DTNA: variants seen among roughly 807,000 people sequenced by gnomAD.
DTNA encodes the protein dystrobrevin alpha.
A neutral mutation model predicts 100.7 loss-of-function variants in DTNA; 43 were observed. The ratio of observed to expected loss-of-function variants is 0.43; its 90% CI spans 0.33 to 0.55. The LOEUF is 0.55. Ranked by LOEUF, DTNA falls within the 20% of genes least tolerant of loss-of-function variation. The pLI, the probability that DTNA is intolerant of heterozygous loss-of-function variation, is 0.04. For missense variants in DTNA, 798 were observed against 953.9 expected (o/e 0.84, Z 2.15); for synonymous variants, 349 against 347.9 (o/e 1.00, Z -0.04).
chr18:34,777,091 G>A (rs1277341790), intron 3 of DTNA, among the ~76,000 whole-genome samples: 1 of 152,130 alleles, frequency 6.6e-6, no homozygotes, highest in Non-Finnish European at 1.5e-5. Flanking sequence ...CCTATTGTTT[G>A]TATTTTTCCT....
chr18:34,855,132 A>T (rs1461325077), intron 15 of DTNA, among the ~76,000 whole-genome samples: 1 of 152,252 alleles, frequency 6.6e-6, no homozygotes, highest in Non-Finnish European at 1.5e-5. Flanking sequence ...AGGTAAAAAT[A>T]CACATAGACT....
intron 1 of DTNA, among the ~76,000 whole-genome samples, chr18:34,509,712 C>A (rs1045634034): frequency 2.6e-5 from 4 of 152,022 alleles, no homozygotes; most frequent in African/African-American, 7.2e-5. Context: ...AGTGCTTAAA[C>A]CTTTTTTTGT....
chr18:34,780,799 CA>C (rs758382168), intron 3 of DTNA, among the ~76,000 whole-genome samples: 2 of 152,158 alleles, frequency 1.3e-5, no homozygotes, highest in Non-Finnish European at 2.9e-5. Flanking sequence ...GAACCCAGAA[CA>C]AACTGAAACC....
Position 34,769,179 on chromosome 18 carries a change from C to A in DTNA, c.148+3138C>A, listed in dbSNP as rs553494350. Among the ~76,000 whole-genome samples, 7 of 152,234 alleles carry A rather than the reference C, an allele frequency of 4.6e-5. No homozygotes were observed. The East Asian group carries it at 9.7e-4, about 21-fold the overall frequency. On this transcript the variant is annotated intron_variant, in intron 3 of 22. Coordinates refer to ENST00000444659, the MANE Select transcript of DTNA (RefSeq NM_001386795.1). The stretch of plus-strand genomic sequence containing the variant: ...CTACCTTCATCAGAGGCATTAAATG[C>A]AAGTACTATATGTCTTTGCAAAGTT...
At chr18:34,774,632 A>C (rs1463580357) in intron 3 of DTNA, among the ~76,000 whole-genome samples, 2 of 152,188 alleles carry the variant, frequency 1.3e-5, no homozygotes, top group African/African-American at 2.4e-5. Flanking sequence ...ATTCATCCCT[A>C]TTTGCATATT....
chr18:34,890,288 T>G lies in DTNA; in HGVS notation c.*2554T>G. On this transcript the variant is annotated 3_prime_UTR_variant, in exon 23 of 23. Transcript: ENST00000444659. ...AATTTCTGACTAACCAGCCACCTTT[T>G]CTCTCTCTTAGCTCCACGTCAGCAC... 6.5e-7 allele frequency: 1 copy of G among 1,530,928 alleles called. No homozygotes were observed. Among genetic ancestry groups the G allele is most frequent in the Non-Finnish European group, 8.7e-7 (1 of 1,143,454 alleles). The allele number at this position is 1,530,928 out of a possible 1,614,324, so 94.8% of individuals were successfully genotyped here. A position where few individuals can be genotyped will look rare whatever the true frequency, so the allele number is the denominator to read the frequency against.
intron 1 of DTNA, among the ~76,000 whole-genome samples, chr18:34,626,161 A>G (rs1181256473): frequency 6.6e-6 from 1 of 152,222 alleles, no homozygotes; most frequent in Non-Finnish European, 1.5e-5. Context: ...CAGATGTACA[A>G]TGAATGTTAT....
intron 3 of DTNA, among the ~76,000 whole-genome samples, chr18:34,786,130 C>G (rs1001791301): frequency 1.3e-5 from 2 of 152,184 alleles, no homozygotes; most frequent in Admixed American, 6.5e-5. Flanking sequence ...CTGAATGAAA[C>G]TTTCCATTTG....
intron 1 of DTNA, among the ~76,000 whole-genome samples, chr18:34,533,574 C>A (rs964066750): frequency 6.6e-6 from 1 of 151,940 alleles, no homozygotes; most frequent in African/African-American, 2.4e-5. Flanking sequence ...CGTAGATAAT[C>A]AAAGATTTGA....
chr18:34,656,100 T>C (rs949115056), intron 1 of DTNA, among the ~76,000 whole-genome samples: 2 of 152,258 alleles, frequency 1.3e-5, no homozygotes, highest in African/African-American at 4.8e-5. Flanking sequence ...ATAGTAATTC[T>C]GTGGTTTGCA....
At chr18:34,634,452 G>A (rs147925759) in intron 1 of DTNA, among the ~76,000 whole-genome samples, 1 of 152,036 alleles carries the variant, frequency 6.6e-6, no homozygotes, top group Non-Finnish European at 1.5e-5. Context: ...TAGTAAGAAA[G>A]ACAGCATGTT....
chr18:34,730,364 G>A (rs1195377613), intron 1 of DTNA, among the ~76,000 whole-genome samples: 2 of 152,232 alleles, frequency 1.3e-5, no homozygotes, highest in African/African-American at 4.8e-5. Context: ...TAAACTTGAA[G>A]TGTTAAAGCA....
intron 1 of DTNA, among the ~76,000 whole-genome samples, chr18:34,673,061 A>G (rs1459004444): frequency 6.6e-6 from 1 of 152,110 alleles, no homozygotes; most frequent in Non-Finnish European, 1.5e-5. Flanking sequence ...AATAAGTATT[A>G]CCATGTAAGC....
intron 1 of DTNA, among the ~76,000 whole-genome samples, chr18:34,718,091 G>C (rs375246880): frequency 7.9e-5 from 12 of 152,228 alleles, no homozygotes; most frequent in African/African-American, 2.4e-4. Context: ...GAAAATTGTC[G>C]ATTACTGCAT....
rs1019232431 is a variant in DTNA at position 34,796,479 on chromosome 18, C to T, written c.362+2229C>T. Among the ~76,000 whole-genome samples the T allele has an allele frequency of 2.0e-5, 3 of 152,298 alleles. No individual in the cohort carries two copies. In the South Asian group the frequency reaches 6.2e-4, roughly 32 times the overall value. On this transcript the variant is annotated intron_variant, in intron 4 of 22. Coordinates refer to ENST00000444659, the MANE Select transcript of DTNA (RefSeq NM_001386795.1). ...ACAGAGTCCAAGTGTTTAAGAGAAC[C>T]GTCTGTATTTTGGCAGACATGAATG...
chr18:34,888,293 C>A lies in DTNA; in HGVS notation c.*559C>A, dbSNP rs1443597915. 1.0e-6 allele frequency: 1 copy of A among 985,574 alleles called. No individual in the cohort carries two copies. The highest frequency in any genetic ancestry group is 1.2e-6 in the Non-Finnish European group (1 of 829,904). The allele number at this position is 985,574 out of a possible 1,614,324, so 61.1% of individuals were successfully genotyped here. On this transcript the variant is annotated 3_prime_UTR_variant, in exon 23 of 23. Transcript: ENST00000444659. ...TTTTTTCACAGCAATTGGAAAAAAA[C>A]AACCACTTGCAATCATTCAATAACC... is the stretch of plus-strand genomic sequence containing the variant.
intron 1 of DTNA, among the ~76,000 whole-genome samples, chr18:34,690,615 G>A (rs1165971182): frequency 6.6e-6 from 1 of 152,148 alleles, no homozygotes; most frequent in East Asian, 1.9e-4. Flanking sequence ...TAAATAACTT[G>A]TTCTCAAGTA....
At chr18:34,775,477 A>G (rs8089131) in intron 3 of DTNA, among the ~76,000 whole-genome samples, 125,470 of 151,882 alleles carry the variant, frequency 0.83, 52,165 homozygotes, top group East Asian at 0.91. Flanking sequence ...GCGAGACTCC[A>G]TCTCAAAAAA....
Position 34,858,327 on chromosome 18 carries a change from A to T in DTNA, c.1575A>T (p.Glu525Asp). The T allele has an allele frequency of 6.2e-7, 1 of 1,614,170 alleles. No individual in the cohort carries two copies. The highest frequency in any genetic ancestry group is 8.5e-7 in the Non-Finnish European group (1 of 1,180,034). Residue 525 changes from glutamate to aspartate, a missense_variant, in exon 16 of 23, where the codon GAA becomes GAT. Glu to Asp is a conservative substitution (Grantham distance 45, BLOSUM62 2). Coordinates refer to ENST00000444659, the MANE Select transcript of DTNA (RefSeq NM_001386795.1). Reference sequence around the variant, plus strand: ...TCCAGAGACTTCGGCTAGAGCATGAACAAGCTTCTCAGCCCACGCCAGAGA... The same window carrying T: ...TCCAGAGACTTCGGCTAGAGCATGATCAAGCTTCTCAGCCCACGCCAGAGA... ...QEIQRLRLEH[E>D]QASQPTPEKA...
Sources: allele counts gnomAD v4.1 joint callset (sites outside exome capture counted in the v4.1 genomes callset), GRCh38; gene constraint gnomAD v4.1.1; transcripts MANE v1.5; gene names NCBI Gene and HGNC (gene_info 2026-07-23, HGNC 2026-07-21).